Variants in HYLS1 observed in about 807,000 individuals in gnomAD.
The protein encoded by HYLS1 is HYLS1 centriolar and ciliogenesis associated.
A neutral mutation model predicts 29.4 loss-of-function variants in HYLS1; 25 were observed. The observed-to-expected ratio is 0.85, with a 90% CI of 0.62 to 1.19. The LOEUF is 1.19. Among genes scored for constraint, HYLS1 ranks in the 50% most tolerant of loss-of-function variants. HYLS1 has a pLI of 0.00. For missense variants in HYLS1, 352 were observed against 365.1 expected (o/e 0.96, Z 0.29); for synonymous variants, 128 against 126.7 (o/e 1.01, Z -0.07).
intron 1 of HYLS1, among the ~76,000 whole-genome samples, chr11:125,889,685 C>G (rs754715015): frequency 2.6e-5 from 4 of 151,942 alleles, no homozygotes; most frequent in African/African-American, 9.7e-5. Flanking sequence ...TGCGGTGAGC[C>G]GAGATCAGGC....
chr11:125,896,111 A>G lies in HYLS1; in HGVS notation c.-25-3233A>G, dbSNP rs754323759. 5.0e-6 allele frequency: 8 copies of G among 1,614,100 alleles called. No individual in the cohort carries two copies. In the Admixed American group the frequency reaches 8.3e-5, roughly 17 times the overall value. On this transcript the variant is annotated intron_variant, in intron 2 of 2. Coordinates refer to ENST00000425380, the MANE Select transcript of HYLS1 (RefSeq NM_001134793.2). ...GGGCTACGTGTCTTCGGCCATGAGCACTGAAATCAAATGCACGCTTAGTTT... is the reference window on the plus strand; with the variant it reads ...GGGCTACGTGTCTTCGGCCATGAGCGCTGAAATCAAATGCACGCTTAGTTT...
At chr11:125,886,956 T>C (rs1419731033), upstream of HYLS1, 3 of 141,452 alleles carry the variant, frequency 2.1e-5, no homozygotes, top group Non-Finnish European at 4.6e-5. Flanking sequence ...AGTAACACCA[T>C]GTGAAGGAGA....
At position 125,899,908 on chromosome 11, in the gene HYLS1, A is replaced by C. The variant is rs563140976; in HGVS notation, c.540A>C (p.Pro180=). ...TACAAAGAGAAGGAATGGGCTCTCC[A>C]GCTTACGAACAAGACCTGATTGTTG... The part of the protein sequence containing the change: ...CSLQREGMGS[P]AYEQDLIVAS... The change falls in exon 3 of 3, where the codon CCA becomes CCC. Residue 180 remains proline, a synonymous_variant. Transcript: ENST00000425380. The C allele has an allele frequency of 6.2e-7, 1 of 1,614,218 alleles. No homozygotes were observed. Among genetic ancestry groups the C allele is most frequent in the Non-Finnish European group, 8.5e-7 (1 of 1,180,034 alleles).
upstream of HYLS1, among the ~76,000 whole-genome samples, chr11:125,886,836 G>C (rs903458364): frequency 4.0e-5 from 6 of 148,850 alleles, no homozygotes; most frequent in African/African-American, 1.5e-4. Flanking sequence ...GCTTGAACCT[G>C]GGAGGCAGAG....
chr11:125,886,499 C>G (rs618075), upstream of HYLS1, among the ~76,000 whole-genome samples: 128,068 of 151,114 alleles, frequency 0.85, 54,728 homozygotes, highest in East Asian at 1. Context: ...TTGGTATTGA[C>G]TAGGATATTG....
In HYLS1 at chr11:125,893,870, T is replaced by C. The variant is rs201997946; in HGVS notation, c.-26+2398T>C. 2.8e-5 allele frequency: 45 copies of C among 1,614,076 alleles called. No homozygotes were observed. The African/African-American group carries it at 5.5e-4, about 20-fold the overall frequency. On this transcript the variant is annotated intron_variant, in intron 2 of 2. Transcript: ENST00000425380. Reference sequence around the variant, plus strand: ...AGTATTCTCTTCCTCTAGTGTGTCATTACAGTCCCTTTTGGCTTTTGTTTC... The same window carrying C: ...AGTATTCTCTTCCTCTAGTGTGTCACTACAGTCCCTTTTGGCTTTTGTTTC...
upstream of HYLS1, among the ~76,000 whole-genome samples, chr11:125,885,894 T>G (rs1186334205): frequency 6.6e-6 from 1 of 152,128 alleles, no homozygotes; most frequent in Non-Finnish European, 1.5e-5. Context: ...CTTATGAGAA[T>G]CTAATGCCTG....
At chr11:125,895,178 G>C in intron 2 of HYLS1, 1 of 1,464,698 alleles carries the variant, frequency 6.8e-7, no homozygotes, top group East Asian at 2.3e-5. Context: ...GTCCCGAGTA[G>C]CTGGGACTAC....
intron 2 of HYLS1, chr11:125,893,675 T>TAAGAGCTGACCATCTGAATTCCTAG: frequency 1.3e-6 from 1 of 795,228 alleles, no homozygotes; most frequent in Non-Finnish European, 1.9e-6. Flanking sequence ...TTTTTTTCTT[T>TAAGAGCTGACCATCTGAATTCCTAG]TAAGAGCTGA....
chr11:125,885,288 T>C (rs1944286456), upstream of HYLS1, among the ~76,000 whole-genome samples: 1 of 151,936 alleles, frequency 6.6e-6, no homozygotes, highest in Admixed American at 6.6e-5. Flanking sequence ...CTGTCTCTAC[T>C]AAAAATACAA....
Position 125,899,031 on chromosome 11 carries a change from G to A in HYLS1, c.-25-313G>A, listed in dbSNP as rs529457. 212,023 of 253,528 alleles carry A rather than the reference G, an allele frequency of 0.84. 89,501 individuals carry two copies. Among genetic ancestry groups the A allele is most frequent in the Admixed American group, 0.9 (18,472 of 20,586 alleles). The allele number at this position is 253,528 out of a possible 1,614,324, so 15.7% of individuals were successfully genotyped here. A position where few individuals can be genotyped will look rare whatever the true frequency, so the allele number is the denominator to read the frequency against. ...TCCCTAAGTACCTGTTACATAATGTGCATTAAGCAGTATGCCCCATATCAT... is the reference window on the plus strand; with the variant it reads ...TCCCTAAGTACCTGTTACATAATGTACATTAAGCAGTATGCCCCATATCAT... On this transcript the variant is annotated intron_variant, in intron 2 of 2. Coordinates refer to ENST00000425380, the MANE Select transcript of HYLS1 (RefSeq NM_001134793.2).
chr11:125,893,967 C>CTTGG, intron 2 of HYLS1: 1 of 1,614,132 alleles, frequency 6.2e-7, no homozygotes, highest in Admixed American at 1.7e-5. Flanking sequence ...GATTCCAGTC[C>CTTGG]TTGGCATTTA....
chr11:125,895,394 C>G, intron 2 of HYLS1: 1 of 1,614,116 alleles, frequency 6.2e-7, no homozygotes, highest in African/African-American at 1.3e-5. Flanking sequence ...AAGGTTCTTG[C>G]CATCTCCCCT....
intron 2 of HYLS1, 102 bp from the exon 3 acceptor site, chr11:125,899,242 A>G: frequency 1.3e-6 from 1 of 789,340 alleles, no homozygotes; most frequent in Non-Finnish European, 2.1e-6. Context: ...GGCCTTAGCC[A>G]TTCTTTCTCC....
At chr11:125,896,032 T>C in intron 2 of HYLS1, 1 of 1,614,250 alleles carries the variant, frequency 6.2e-7, no homozygotes, top group Non-Finnish European at 8.5e-7. Flanking sequence ...GTATTATTTG[T>C]GTTTTCCTGA....
intron 2 of HYLS1, chr11:125,895,730 A>G (rs1944562901): frequency 1.2e-6 from 2 of 1,612,784 alleles, no homozygotes; most frequent in Non-Finnish European, 1.7e-6. Flanking sequence ...CCTCTTTTAC[A>G]TTAAAGTCCT....
chr11:125,894,084 C>A (rs1157214333), intron 2 of HYLS1: 4 of 1,614,162 alleles, frequency 2.5e-6, no homozygotes, highest in Non-Finnish European at 3.4e-6. Flanking sequence ...GTCATTCCAT[C>A]CATCTTTGGT....
At chr11:125,895,776 T>C in intron 2 of HYLS1, 2 of 1,599,342 alleles carry the variant, frequency 1.3e-6, no homozygotes, top group Non-Finnish European at 8.5e-7. Context: ...AGAGCGAAGG[T>C]CAAGTGAGAT....
upstream of HYLS1, chr11:125,883,646 G>C (rs1944261308): frequency 6.6e-6 from 1 of 152,330 alleles, no homozygotes; most frequent in South Asian, 2.1e-4. Flanking sequence ...GGCCAAGGCG[G>C]GCAGATCACC....
Sources: allele counts gnomAD v4.1 joint callset (sites outside exome capture counted in the v4.1 genomes callset), GRCh38; gene constraint gnomAD v4.1.1; transcripts MANE v1.5; gene names NCBI Gene and HGNC (gene_info 2026-07-23, HGNC 2026-07-21).